Variants in FBXW11 observed in about 807,000 individuals in gnomAD.
FBXW11 encodes F-box/WD repeat-containing protein 11.
A neutral mutation model predicts 77.6 loss-of-function variants in FBXW11; 19 were observed. That is an observed-to-expected ratio of 0.24 (90% CI 0.17 to 0.36). The LOEUF (loss-of-function observed/expected upper bound fraction) is 0.36. Ranked by LOEUF, FBXW11 falls within the 10% of genes least tolerant of loss-of-function variation. The pLI, the probability that FBXW11 is intolerant of heterozygous loss-of-function variation, is 1.00. For missense variants in FBXW11, 334 were observed against 704.2 expected, an observed-to-expected ratio of 0.47 and a Z score of 5.95; for synonymous variants, 235 against 249.4, an observed-to-expected ratio of 0.94 and a Z score of 0.54.
At chr5:171,993,182 T>C (rs918748480) in intron 1 of FBXW11, among the ~76,000 whole-genome samples, 7 of 151,896 alleles carry the variant, frequency 4.6e-5, no homozygotes, top group Non-Finnish European at 1.0e-4. Flanking sequence ...CCAACAGACG[T>C]CTTACTTCCC....
intron 2 of FBXW11, among the ~76,000 whole-genome samples, chr5:171,942,856 T>A (rs961633437): frequency 3.9e-5 from 6 of 152,060 alleles, no homozygotes; most frequent in African/African-American, 1.4e-4. Flanking sequence ...AAATAAATTA[T>A]TATTTTTAAA....
rs1390520332 is a variant in FBXW11, at chr5:171,878,147, G to A, written c.853-18C>T. ...TCCCATATCTATTGAGACAAGATTA[G>A]CCACAAACGATGATTAATTATACTA... On this transcript the variant is annotated intron_variant, in intron 7 of 13. Coordinates refer to ENST00000517395, the MANE Select transcript of FBXW11 (RefSeq NM_001378974.1). 1 of 1,527,968 alleles carries A rather than the reference G, an allele frequency of 6.5e-7. No homozygotes were observed. Among genetic ancestry groups the A allele is most frequent in the South Asian group, 1.1e-5 (1 of 88,398 alleles). 94.7% of individuals were successfully genotyped at this position (1,527,968 alleles called of 1,614,324 possible).
At chr5:171,881,685 T>C (rs1758516069) in intron 7 of FBXW11, among the ~76,000 whole-genome samples, 1 of 152,226 alleles carries the variant, frequency 6.6e-6, no homozygotes, top group African/African-American at 2.4e-5. Flanking sequence ...TTTGACAGAA[T>C]TCACCAGTAA....
At chr5:171,873,109 G>T (rs1757854501) in intron 9 of FBXW11, 119 bp from the exon 10 acceptor site, 3 of 828,734 alleles carry the variant, frequency 3.6e-6, no homozygotes, top group East Asian at 2.7e-5. Flanking sequence ...ATAAAATACG[G>T]TGTCCTCTAA....
At chr5:171,951,615 C>A (rs1235927741) in intron 2 of FBXW11, among the ~76,000 whole-genome samples, 1 of 151,980 alleles carries the variant, frequency 6.6e-6, no homozygotes, top group Non-Finnish European at 1.5e-5. Context: ...TGTAGCCTCC[C>A]GAGTAGCTGA....
intron 2 of FBXW11, among the ~76,000 whole-genome samples, chr5:171,945,327 T>C (rs1762953328): frequency 6.6e-6 from 1 of 152,160 alleles, no homozygotes; most frequent in Non-Finnish European, 1.5e-5. Flanking sequence ...CAACTTAAAA[T>C]ATAAAAATCA....
At chr5:171,982,338 C>A (rs1765193837) in intron 1 of FBXW11, among the ~76,000 whole-genome samples, 2 of 151,926 alleles carry the variant, frequency 1.3e-5, no homozygotes, top group South Asian at 4.2e-4. Flanking sequence ...GGCATAATCT[C>A]AGCTCACTGC....
intron 3 of FBXW11, among the ~76,000 whole-genome samples, chr5:171,913,850 C>CACACACAT: frequency 6.6e-6 from 1 of 151,508 alleles, no homozygotes; most frequent in Non-Finnish European, 1.5e-5. Context: ...CACACACACA[C>CACACACAT]ACACACACAC....
intron 1 of FBXW11, among the ~76,000 whole-genome samples, chr5:171,959,879 A>G (rs1390988760): frequency 6.6e-6 from 1 of 151,962 alleles, no homozygotes; most frequent in African/African-American, 2.4e-5. Context: ...AAAGAAAAGA[A>G]AAAAAACCAG....
At chr5:171,912,396 CAA>C (rs1212445854) in intron 3 of FBXW11, among the ~76,000 whole-genome samples, 1 of 151,936 alleles carries the variant, frequency 6.6e-6, no homozygotes, top group Non-Finnish European at 1.5e-5. Context: ...TTAACAGATC[CAA>C]AAAATAAGAG....
intron 13 of FBXW11, chr5:171,867,951 AC>A (rs1449692210): frequency 3.2e-4 from 49 of 152,238 alleles, no homozygotes; most frequent in Admixed American, 3.2e-3. Context: ...TTCCTAGGAC[AC>A]AGCCAAGTAA....
chr5:171,959,513 A>G (rs192650939), intron 1 of FBXW11, among the ~76,000 whole-genome samples: 8 of 152,126 alleles, frequency 5.3e-5, no homozygotes, highest in African/African-American at 1.4e-4. Context: ...TAAGAAAAAA[A>G]TTTTTTTAAT....
intron 1 of FBXW11, among the ~76,000 whole-genome samples, chr5:172,005,636 G>A (rs1465490887): frequency 6.6e-6 from 1 of 152,050 alleles, no homozygotes; most frequent in Non-Finnish European, 1.5e-5. Flanking sequence ...TCCCCCGGGG[G>A]CCAAGGATTC....
chr5:171,960,974 C>T (rs963175904), intron 1 of FBXW11, among the ~76,000 whole-genome samples: 2 of 152,152 alleles, frequency 1.3e-5, no homozygotes, highest in African/African-American at 2.4e-5. Context: ...ATGGTAGATA[C>T]TGTAAGATAT....
chr5:171,866,370 C>T (rs1458534161), intron 13 of FBXW11, among the ~76,000 whole-genome samples: 3 of 152,096 alleles, frequency 2.0e-5, no homozygotes, highest in East Asian at 3.9e-4. Flanking sequence ...CATTTGTGGT[C>T]TCACTGCTTG....
chr5:171,955,251 T>C (rs1344569452), intron 2 of FBXW11, among the ~76,000 whole-genome samples: 1 of 152,206 alleles, frequency 6.6e-6, no homozygotes, highest in East Asian at 1.9e-4. Flanking sequence ...GACAGGTCAA[T>C]GGGCTCAAGT....
intron 5 of FBXW11, among the ~76,000 whole-genome samples, chr5:171,899,582 T>C (rs1226258862): frequency 6.6e-6 from 1 of 152,136 alleles, no homozygotes; most frequent in Non-Finnish European, 1.5e-5. Context: ...AACAGCAAAA[T>C]GGCACTATCT....
intron 13 of FBXW11, 60 bp downstream of exon 13, chr5:171,868,550 T>G: frequency 1.4e-6 from 2 of 1,434,200 alleles, no homozygotes; most frequent in Non-Finnish European, 1.9e-6. Context: ...ATCACAAAAT[T>G]TCCCCAAAGG....
At chr5:171,926,426 T>A (rs1044252339) in intron 2 of FBXW11, among the ~76,000 whole-genome samples, 2 of 152,180 alleles carry the variant, frequency 1.3e-5, no homozygotes, top group Admixed American at 6.5e-5. Context: ...CAAATTGTAA[T>A]CCCCATTGTT....
Sources: allele counts gnomAD v4.1 joint callset (sites outside exome capture counted in the v4.1 genomes callset), GRCh38; gene constraint gnomAD v4.1.1; transcripts MANE v1.5; gene names NCBI Gene and HGNC (gene_info 2026-07-23, HGNC 2026-07-21).